The following ZNRF3 variants were observed in gnomAD, a reference collection of about 807,000 sequenced individuals.
ZNRF3 encodes zinc and ring finger 3, also known as E3 ubiquitin-protein ligase ZNRF3.
In ZNRF3, 23 loss-of-function variants were observed where a neutral mutation model predicts 72.5. The observed-to-expected ratio is 0.32, with a 90% CI of 0.23 to 0.45. The LOEUF (loss-of-function observed/expected upper bound fraction) is 0.45, where lower values mean the gene tolerates loss of function less well. Among genes scored for constraint, ZNRF3 ranks in the 20% least tolerant of loss-of-function variants. The pLI is 1.00. For synonymous variants in ZNRF3, 610 were observed against 545.3 expected (o/e 1.12, Z -1.65); for missense variants, 1,169 against 1,272.1 (o/e 0.92, Z 1.23).
rs2037274492 is a variant in ZNRF3 at position 29,054,963 on chromosome 22, A to G, written c.*1341A>G. 6.5e-6 allele frequency: 1 copy of G among 152,776 alleles called. No individual in the cohort carries two copies. Among genetic ancestry groups the G allele is most frequent in the Non-Finnish European group, 1.5e-5 (1 of 68,070 alleles). The allele number at this position is 152,776 out of a possible 1,614,324, so 9.5% of individuals were successfully genotyped here. A position where few individuals can be genotyped will look rare whatever the true frequency, so the allele number is the denominator to read the frequency against. ...CTGTCTACCTAATGCACTATTATGT[A>G]TTGATTCTCCATGAGACAGAGAGAG... On this transcript the variant is annotated 3_prime_UTR_variant, in exon 9 of 9. Coordinates refer to ENST00000544604, the MANE Select transcript of ZNRF3 (RefSeq NM_001206998.2).
chr22:28,941,055 A>G (rs923767957), intron 1 of ZNRF3, among the ~76,000 whole-genome samples: 4 of 152,248 alleles, frequency 2.6e-5, no homozygotes, highest in Non-Finnish European at 5.9e-5. Flanking sequence ...CTTCATGTAA[A>G]TAAGTACCTA....
chr22:28,901,891 A>G (rs796109319), intron 1 of ZNRF3, among the ~76,000 whole-genome samples: 4 of 148,730 alleles, frequency 2.7e-5, no homozygotes, highest in African/African-American at 7.5e-5. Context: ...AAATGGCACC[A>G]CTATTTTGTG....
At chr22:29,046,465 C>T (rs917227251) in intron 5 of ZNRF3, among the ~76,000 whole-genome samples, 3 of 152,102 alleles carry the variant, frequency 2.0e-5, no homozygotes, top group African/African-American at 4.8e-5. Context: ...GGAGGAGACC[C>T]CTGCCTTCAA....
chr22:29,042,835 C>A (rs529383970), intron 3 of ZNRF3, among the ~76,000 whole-genome samples: 40 of 151,848 alleles, frequency 2.6e-4, no homozygotes, highest in Admixed American at 1.7e-3. Context: ...AGTGCAGTGG[C>A]GCAATTTCAG....
intron 1 of ZNRF3, among the ~76,000 whole-genome samples, chr22:28,933,478 A>G (rs895911516): frequency 2.0e-5 from 3 of 152,190 alleles, no homozygotes; most frequent in African/African-American, 4.8e-5. Flanking sequence ...TACCTCTGCC[A>G]TGTTTAAACA....
At chr22:28,956,395 C>CATCGA (rs2035262688) in intron 1 of ZNRF3, among the ~76,000 whole-genome samples, 1 of 135,690 alleles carries the variant, frequency 7.4e-6, no homozygotes, top group Non-Finnish European at 1.5e-5. Context: ...CATCCTTTTG[C>CATCGA]ATCGAATGAA....
At position 29,055,944 on chromosome 22, in the gene ZNRF3, A is replaced by G. The variant is rs1376820703; in HGVS notation, c.*2322A>G. The G allele has an allele frequency of 2.0e-5, 3 of 152,312 alleles. No homozygotes were observed. The highest frequency in any genetic ancestry group is 2.1e-4 in the South Asian group (1 of 4,830). 9.4% of individuals were successfully genotyped at this position (152,312 alleles called of 1,614,324 possible). A position where few individuals can be genotyped will look rare whatever the true frequency, so the allele number is the denominator to read the frequency against. On this transcript the variant is annotated 3_prime_UTR_variant, in exon 9 of 9. Coordinates refer to ENST00000544604, the MANE Select transcript of ZNRF3 (RefSeq NM_001206998.2). ...TAAGCAATAAATAGATGAGTAGAGAATGTGGCTTCAACTGGGCTTATTAAA... is the reference window on the plus strand; with the variant it reads ...TAAGCAATAAATAGATGAGTAGAGAGTGTGGCTTCAACTGGGCTTATTAAA...
At chr22:28,971,600 C>T (rs1276750859) in intron 1 of ZNRF3, among the ~76,000 whole-genome samples, 1 of 152,196 alleles carries the variant, frequency 6.6e-6, no homozygotes, top group Non-Finnish European at 1.5e-5. Flanking sequence ...CCATCTCACT[C>T]AGGTGGGGCT....
intron 1 of ZNRF3, among the ~76,000 whole-genome samples, chr22:28,928,928 A>C (rs2123776102): frequency 6.6e-6 from 1 of 152,360 alleles, no homozygotes; most frequent in East Asian, 1.9e-4. Flanking sequence ...GGCAAAAGAC[A>C]AGGAAAGATT....
In ZNRF3 at chr22:29,042,478, T is replaced by C; in HGVS notation, c.427-17T>C. 6.2e-7 allele frequency: 1 copy of C among 1,613,552 alleles called. No homozygotes were observed. The highest frequency in any genetic ancestry group is 8.5e-7 in the Non-Finnish European group (1 of 1,179,828). On this transcript the variant is annotated splice_polypyrimidine_tract_variant and intron_variant, in intron 2 of 8. Coordinates refer to ENST00000544604, the MANE Select transcript of ZNRF3 (RefSeq NM_001206998.2). ...GAGGACCAGAGGGCCAACCTGCTGT[T>C]TTTTTAACTCTGGCAGGCCAAGCGA...
chr22:29,007,087 A>C (rs1416343284), intron 2 of ZNRF3, among the ~76,000 whole-genome samples: 1 of 152,126 alleles, frequency 6.6e-6, no homozygotes, highest in Non-Finnish European at 1.5e-5. Context: ...TCAGATGATC[A>C]TTTTGCTGCT....
intron 1 of ZNRF3, among the ~76,000 whole-genome samples, chr22:28,906,957 G>A (rs1020593165): frequency 6.6e-5 from 10 of 151,708 alleles, no homozygotes; most frequent in African/African-American, 1.2e-4. Context: ...AGATTTTCAC[G>A]GAGTCATTTT....
intron 1 of ZNRF3, among the ~76,000 whole-genome samples, chr22:28,983,051 G>T (rs1235986937): frequency 1.3e-5 from 2 of 152,150 alleles, no homozygotes; most frequent in African/African-American, 4.8e-5. Context: ...TCTGAGATGT[G>T]ATCTCAGTGG....
At chr22:28,999,263 G>C (rs2036101963) in intron 2 of ZNRF3, among the ~76,000 whole-genome samples, 1 of 152,074 alleles carries the variant, frequency 6.6e-6, no homozygotes, top group African/African-American at 2.4e-5. Context: ...GAACCTGGGA[G>C]GTGGGGGTTG....
In ZNRF3 at chr22:28,890,747, T is replaced by C. The variant is rs150424330; in HGVS notation, c.300+6681T>C. Among the ~76,000 whole-genome samples the C allele has an allele frequency of 2.0e-3, 309 of 151,620 alleles. 1 individual carries two copies. Among genetic ancestry groups the C allele is most frequent in the Middle Eastern group, 6.8e-3 (2 of 294 alleles). ...CCATGTGAAAAACTTTGCTGCTTGC[T>C]TGCTTTCTCTCTCTCTCTCTTTTTT... On this transcript the variant is annotated intron_variant, in intron 1 of 8. Coordinates refer to ENST00000544604, the MANE Select transcript of ZNRF3 (RefSeq NM_001206998.2).
In ZNRF3 at chr22:28,970,316, G is replaced by A. The variant is rs1350962917; in HGVS notation, c.301-16760G>A. 3.0e-4 allele frequency among the ~76,000 whole-genome samples: 45 copies of A among 152,324 alleles called. 1 individual carries two copies. The highest frequency in any genetic ancestry group is 2.8e-3 in the Admixed American group (43 of 15,294). On this transcript the variant is annotated intron_variant, in intron 1 of 8. Transcript: ENST00000544604. ...TAAATGCAAAATAAAACCACAATGA[G>A]ATACTGCTACGTGCCACTAGAATGG...
chr22:29,051,473 G>A (rs1237516313), intron 8 of ZNRF3, among the ~76,000 whole-genome samples: 2 of 152,034 alleles, frequency 1.3e-5, no homozygotes, highest in Admixed American at 6.6e-5. Flanking sequence ...GGGTGGTGGC[G>A]GGTGCCTGTA....
chr22:28,999,981 A>G (rs10483152), intron 2 of ZNRF3, among the ~76,000 whole-genome samples: 40,695 of 152,182 alleles, frequency 0.27, 6,743 homozygotes, highest in Middle Eastern at 0.4. Flanking sequence ...TGTTTCCAAA[A>G]GCACCATATT....
At chr22:28,894,762 C>T (rs1313753286) in intron 1 of ZNRF3, among the ~76,000 whole-genome samples, 2 of 152,146 alleles carry the variant, frequency 1.3e-5, no homozygotes, top group Non-Finnish European at 2.9e-5. Flanking sequence ...ACCAGACTCT[C>T]AGGGGTGCAT....
Sources: allele counts gnomAD v4.1 joint callset (sites outside exome capture counted in the v4.1 genomes callset), GRCh38; gene constraint gnomAD v4.1.1; transcripts MANE v1.5; gene names NCBI Gene and HGNC (gene_info 2026-07-23, HGNC 2026-07-21).